Variants in NCMAP observed in about 807,000 individuals in gnomAD.
NCMAP encodes non-compact myelin associated protein, also known as noncompact myelin-associated protein.
NCMAP carries 8 observed loss-of-function variants against 7.8 expected under a neutral mutation model. That is an observed-to-expected ratio of 1.02 (90% CI 0.60 to 1.84). NCMAP has a LOEUF of 1.84. Ranked by LOEUF, NCMAP falls within the 40% of genes most tolerant of loss-of-function variation. NCMAP has a pLI of 0.00. For synonymous variants in NCMAP, 41 were observed against 52.9 expected (o/e 0.78, Z 0.98); for missense variants, 112 against 131.4 (o/e 0.85, Z 0.72).
At chr1:24,589,141 A>T (rs1651971246) in intron 1 of NCMAP, among the ~76,000 whole-genome samples, 1 of 152,290 alleles carries the variant, frequency 6.6e-6, no homozygotes, top group Middle Eastern at 3.4e-3. Context: ...ATGAAGATTA[A>T]GTGAGATCTC....
rs1651693189 is a variant in NCMAP, at chr1:24,579,800, C to T, written c.-7-15624C>T. Among the ~76,000 whole-genome samples, 7 of 152,202 alleles carry T rather than the reference C, an allele frequency of 4.6e-5. No homozygotes were observed. In the South Asian group the frequency reaches 1.4e-3, roughly 32 times the overall value. Reference sequence around the variant, plus strand: ...GAGGTGGGCAGAGCTTGTCAACTAGCAGCCTCTCCATAGGCCGACTGGACA... The same window carrying T: ...GAGGTGGGCAGAGCTTGTCAACTAGTAGCCTCTCCATAGGCCGACTGGACA... On this transcript the variant is annotated intron_variant, in intron 1 of 3. Coordinates refer to ENST00000374392, the MANE Select transcript of NCMAP (RefSeq NM_001010980.5).
chr1:24,586,369 A>G (rs1310496552), intron 1 of NCMAP, among the ~76,000 whole-genome samples: 1 of 152,256 alleles, frequency 6.6e-6, no homozygotes, highest in East Asian at 1.9e-4. Context: ...AGTCATCTGC[A>G]CAAGTGCAGA....
chr1:24,584,784 C>A (rs1026077619), intron 1 of NCMAP, among the ~76,000 whole-genome samples: 1 of 152,000 alleles, frequency 6.6e-6, no homozygotes, highest in African/African-American at 2.4e-5. Context: ...AGGACATAAT[C>A]CCCTTGGCCC....
chr1:24,599,021 T>G (rs964846013), intron 2 of NCMAP, among the ~76,000 whole-genome samples: 9 of 150,496 alleles, frequency 6.0e-5, no homozygotes, highest in African/African-American at 2.2e-4. Flanking sequence ...GGCTCACGCC[T>G]ACAATCCCAG....
intron 1 of NCMAP, among the ~76,000 whole-genome samples, chr1:24,594,901 T>A (rs542348421): frequency 6.3e-4 from 25 of 39,736 alleles, no homozygotes; most frequent in South Asian, 4.5e-3. Context: ...AAAAAAAAAA[T>A]TTTTTAAATC....
At chr1:24,563,888 C>T (rs1022232119) in intron 1 of NCMAP, 13 of 152,186 alleles carry the variant, frequency 8.5e-5, no homozygotes, top group African/African-American at 3.1e-4. Context: ...GACTGAGATC[C>T]TTGAGCCAAA....
intron 1 of NCMAP, chr1:24,589,460 T>A (rs985175135): frequency 6.6e-6 from 1 of 152,250 alleles, no homozygotes; most frequent in Admixed American, 6.5e-5. Flanking sequence ...AGTCCCGAGA[T>A]GAGGCAAGAT....
At chr1:24,575,975 C>T (rs116295714) in intron 1 of NCMAP, among the ~76,000 whole-genome samples, 5 of 150,556 alleles carry the variant, frequency 3.3e-5, no homozygotes, top group South Asian at 4.2e-4. Flanking sequence ...GAGAAGAAAG[C>T]GCCTTGCCCA....
chr1:24,602,571 A>AAAT (rs1414169272), intron 3 of NCMAP, among the ~76,000 whole-genome samples: 1 of 129,528 alleles, frequency 7.7e-6, no homozygotes, highest in African/African-American at 3.9e-5. Flanking sequence ...CTCCATCTCA[A>AAAT]AAAAAAAAAA....
chr1:24,571,078 C>T (rs1255691717), intron 1 of NCMAP, among the ~76,000 whole-genome samples: 2 of 150,752 alleles, frequency 1.3e-5, no homozygotes, highest in Non-Finnish European at 2.9e-5. Context: ...TTCCCAGCGT[C>T]CTTGGGTATA....
intron 1 of NCMAP, among the ~76,000 whole-genome samples, chr1:24,569,791 C>T (rs777283505): frequency 2.7e-5 from 4 of 150,690 alleles, no homozygotes; most frequent in African/African-American, 1.0e-4. Flanking sequence ...TAGAAAAGTG[C>T]TTGGCACACA....
At chr1:24,560,160 CAAAAAAAAAA>C (rs67052970) in intron 1 of NCMAP, among the ~76,000 whole-genome samples, 3 of 89,570 alleles carry the variant, frequency 3.3e-5, no homozygotes, top group African/African-American at 8.4e-5. Flanking sequence ...GACTCCATCT[CAAAAAAAAAA>C]AAAAAAAAAA....
chr1:24,569,147 C>A (rs1018871877), intron 1 of NCMAP, among the ~76,000 whole-genome samples: 1 of 152,058 alleles, frequency 6.6e-6, no homozygotes, highest in African/African-American at 2.4e-5. Flanking sequence ...GCGCCTGCCA[C>A]CATGCCCGAC....
intron 2 of NCMAP, among the ~76,000 whole-genome samples, chr1:24,596,746 A>G (rs1652242660): frequency 6.6e-6 from 1 of 152,234 alleles, no homozygotes; most frequent in Non-Finnish European, 1.5e-5. Flanking sequence ...GCAAGGCAAA[A>G]AAACATCCCA....
At chr1:24,603,457 A>G (rs1244298741) in intron 3 of NCMAP, among the ~76,000 whole-genome samples, 1 of 152,090 alleles carries the variant, frequency 6.6e-6, no homozygotes, top group African/African-American at 2.4e-5. Flanking sequence ...ATTTCTCTCC[A>G]TTGTTGCTGG....
chr1:24,557,456 T>C (rs1650931733), intron 1 of NCMAP, among the ~76,000 whole-genome samples: 1 of 150,564 alleles, frequency 6.6e-6, no homozygotes, highest in Non-Finnish European at 1.5e-5. Flanking sequence ...CGTGTGTGCG[T>C]GTGTGTGCGT....
rs1309486766 is a variant in NCMAP at position 24,604,596 on chromosome 1, A to C, written c.168-1010A>C. On this transcript the variant is annotated intron_variant, in intron 3 of 3. Transcript: ENST00000374392. Reference sequence around the variant, plus strand: ...TCTAAAAAAAAAAAAAAAAAAAAAAAAAAAAAAAAATATATATATATATAT... The same window carrying C: ...TCTAAAAAAAAAAAAAAAAAAAAAACAAAAAAAAAATATATATATATATAT... Among the ~76,000 whole-genome samples the C allele has an allele frequency of 3.1e-5, 2 of 65,464 alleles. 1 individual carries two copies. The highest frequency in any genetic ancestry group is 1.9e-4 in the African/African-American group (2 of 10,390). 42.9% of individuals were successfully genotyped at this position (65,464 alleles called of 152,430 possible).
In NCMAP at chr1:24,575,915, C is replaced by CA. The variant is rs10549961; in HGVS notation, c.-7-19483dup. Among the ~76,000 whole-genome samples the CA allele has an allele frequency of 6.1e-3, 482 of 79,518 alleles. 10 individuals carry two copies. Among genetic ancestry groups the CA allele is most frequent in the African/African-American group, 8.6e-3 (219 of 25,504 alleles). 52.2% of individuals were successfully genotyped at this position (79,518 alleles called of 152,430 possible). On this transcript the variant is annotated intron_variant, in intron 1 of 3. Transcript: ENST00000374392. Reference sequence around the variant, plus strand: ...AGCCGAGATCGCACCATTGCACTCTCAAAAAAAAAAAAAAAAAAAAAAAAA... The same window carrying CA: ...AGCCGAGATCGCACCATTGCACTCTCAAAAAAAAAAAAAAAAAAAAAAAAAA...
At chr1:24,562,643 G>T (rs1422053982) in intron 1 of NCMAP, among the ~76,000 whole-genome samples, 1 of 152,188 alleles carries the variant, frequency 6.6e-6, no homozygotes, top group Non-Finnish European at 1.5e-5. Flanking sequence ...CCTGCTCTTT[G>T]TCTTGAAACA....
Sources: gnomAD v4.1 joint callset for allele counts (sites outside exome capture counted in the v4.1 genomes callset) on GRCh38, gnomAD v4.1.1 for gene constraint, MANE v1.5 for transcripts, NCBI Gene and HGNC (gene_info 2026-07-23, HGNC 2026-07-21) for gene names.